ITM2B: variants seen among roughly 807,000 people sequenced by gnomAD.
The protein encoded by ITM2B is integral membrane protein 2B, also known as ABri/ADan amyloid peptide.
A neutral mutation model predicts 27.8 loss-of-function variants in ITM2B; 11 were observed. The observed-to-expected ratio is 0.40, with a 90% CI of 0.25 to 0.66. The LOEUF (loss-of-function observed/expected upper bound fraction) is 0.66, where lower values mean the gene tolerates loss of function less well. Among genes scored for constraint, ITM2B ranks in the 30% least tolerant of loss-of-function variants. The probability of loss-of-function intolerance (pLI) is 0.43; values close to 1 mark genes in which losing one functional copy is unlikely to be tolerated. For synonymous variants in ITM2B, 114 were observed against 114.3 expected (o/e 1.00, Z 0.02); for missense variants, 296 against 328.9 (o/e 0.90, Z 0.77).
rs1171633991 is a variant in ITM2B at position 48,265,651 on chromosome 13, C to T, written c.*4427C>T. 1 of 152,618 alleles carries T rather than the reference C, an allele frequency of 6.6e-6. No homozygotes were observed. Among genetic ancestry groups the T allele is most frequent in the East Asian group, 1.9e-4 (1 of 5,204 alleles). 9.5% of individuals were successfully genotyped at this position (152,618 alleles called of 1,614,324 possible). A position where few individuals can be genotyped will look rare whatever the true frequency, so the allele number is the denominator to read the frequency against. ...ACTCTCCAGCTTCATCTTAATCACA[C>T]CCCTCTTTGCTCCTAGTGTCCTACC... On this transcript the variant is annotated 3_prime_UTR_variant, in exon 6 of 6. Transcript: ENST00000647800.
intron 1 of ITM2B, among the ~76,000 whole-genome samples, chr13:48,250,683 C>T (rs1255659917): frequency 6.6e-6 from 1 of 151,690 alleles, no homozygotes; most frequent in African/African-American, 2.4e-5. Flanking sequence ...TAATGCCAAG[C>T]CTAAGCTTGG....
At chr13:48,259,092 A>G (rs1951807164) in intron 5 of ITM2B, 145 bp downstream of exon 5, 3 of 629,376 alleles carry the variant, frequency 4.8e-6, no homozygotes, top group East Asian at 2.8e-5. Context: ...AGGTTTCTAT[A>G]GAATTATCTT....
chr13:48,251,214 T>G (rs183098664), intron 1 of ITM2B, among the ~76,000 whole-genome samples: 71 of 152,336 alleles, frequency 4.7e-4, no homozygotes, highest in South Asian at 1.0e-3. Context: ...GGAAATGTCA[T>G]GCATTTTAGC....
intron 5 of ITM2B, among the ~76,000 whole-genome samples, chr13:48,259,722 A>G (rs958852812): frequency 1.8e-5 from 2 of 110,014 alleles, no homozygotes; most frequent in Admixed American, 8.9e-5. Context: ...TCCAACTTTT[A>G]TTTTAGATTC....
chr13:48,253,618 C>T (rs1951766852), intron 1 of ITM2B, among the ~76,000 whole-genome samples, 190 bp from the exon 2 acceptor site: 1 of 152,104 alleles, frequency 6.6e-6, no homozygotes, highest in East Asian at 1.9e-4. Context: ...TGTCCCAGTC[C>T]AAGAACCATT....
At chr13:48,251,562 T>C (rs562422979) in intron 1 of ITM2B, among the ~76,000 whole-genome samples, 7 of 152,334 alleles carry the variant, frequency 4.6e-5, no homozygotes, top group Admixed American at 1.3e-4. Context: ...TTAAAAATGA[T>C]ATATTACAAT....
intron 4 of ITM2B, 38 bp from the exon 5 acceptor site, chr13:48,258,759 C>T (rs767295680): frequency 6.2e-7 from 1 of 1,600,024 alleles, no homozygotes; most frequent in South Asian, 1.1e-5. Flanking sequence ...AGTGTATGTT[C>T]TGAGATAGTC....
chr13:48,254,047 A>T, intron 2 of ITM2B, 111 bp downstream of exon 2: 1 of 1,021,684 alleles, frequency 9.8e-7, no homozygotes, highest in Non-Finnish European at 1.5e-6. Flanking sequence ...TTTATCTGTG[A>T]CCTTCAGCCA....
intron 1 of ITM2B, among the ~76,000 whole-genome samples, chr13:48,235,447 A>G (rs1293129954): frequency 6.6e-6 from 1 of 152,246 alleles, no homozygotes; most frequent in Non-Finnish European, 1.5e-5. Context: ...ATGAGTTGGT[A>G]GATAAAAAAT....
Position 48,258,212 on chromosome 13 carries a change from A to C in ITM2B, c.540A>C (p.Leu180=). 6.4e-7 allele frequency: 1 copy of C among 1,551,568 alleles called. No homozygotes were observed. Among genetic ancestry groups the C allele is most frequent in the Non-Finnish European group, 8.9e-7 (1 of 1,123,304 alleles). ...CCATTGTTATGCCACCCAGAAACCT[A>C]CTGGAGTTACTTATTAACATCAAGG... ...NTSIVMPPRN[L]LELLINIKAG... Residue 180 remains leucine (L), a synonymous_variant, in exon 4 of 6, where the codon CTA becomes CTC. Coordinates refer to ENST00000647800, the MANE Select transcript of ITM2B (RefSeq NM_021999.5).
intron 1 of ITM2B, among the ~76,000 whole-genome samples, chr13:48,251,297 A>G (rs1334078870): frequency 6.6e-6 from 1 of 152,172 alleles, no homozygotes; most frequent in Non-Finnish European, 1.5e-5. Context: ...GGTAATGAGT[A>G]TTTGTCCTTT....
chr13:48,238,625 A>G (rs1418800534), intron 1 of ITM2B, among the ~76,000 whole-genome samples: 1 of 152,228 alleles, frequency 6.6e-6, no homozygotes, highest in Non-Finnish European at 1.5e-5. Context: ...CAGCTTATAT[A>G]TAATACCACT....
chr13:48,250,790 C>T (rs1193181420), intron 1 of ITM2B, among the ~76,000 whole-genome samples: 7 of 152,154 alleles, frequency 4.6e-5, no homozygotes, highest in Middle Eastern at 3.4e-3. Context: ...GAATTATTCT[C>T]ATGAAAGAAA....
intron 1 of ITM2B, among the ~76,000 whole-genome samples, chr13:48,250,043 C>A (rs1323239492): frequency 1.3e-5 from 2 of 152,172 alleles, no homozygotes; most frequent in Non-Finnish European, 2.9e-5. Flanking sequence ...TATGGAACAT[C>A]ATTTATCTAT....
chr13:48,258,855 G>C lies in ITM2B; in HGVS notation c.623G>C (p.Arg208Pro), dbSNP rs201399334. The change falls in exon 5 of 6, where the codon CGC (arginine) becomes CCC (proline). Residue 208 changes from arginine to proline, a missense_variant. Physicochemically the swap from Arg to Pro is moderately radical, Grantham distance 103 (BLOSUM62 -2). Transcript: ENST00000647800. ...LIHEHMVITD[R>P]IENIDHLGFF... ...CATGAGCACATGGTTATTACTGATC[G>C]CATTGAAAACATTGATCACCTGGGT... is the stretch of plus-strand genomic sequence containing the variant. 1.9e-6 allele frequency: 3 copies of C among 1,612,922 alleles called. No individual in the cohort carries two copies. Among genetic ancestry groups the C allele is most frequent in the Non-Finnish European group, 2.5e-6 (3 of 1,179,062 alleles).
intron 1 of ITM2B, among the ~76,000 whole-genome samples, chr13:48,242,301 T>C (rs1951704085): frequency 6.6e-6 from 1 of 152,206 alleles, no homozygotes; most frequent in Admixed American, 6.5e-5. Flanking sequence ...CTTAATTTTC[T>C]ACATACTTAC....
rs1951852334 is a variant in ITM2B, at chr13:48,266,116, C to G, written c.*4892C>G. 1 of 152,136 alleles carries G rather than the reference C, an allele frequency of 6.6e-6. No individual in the cohort carries two copies. The allele number at this position is 152,136 out of a possible 1,614,324, so 9.4% of individuals were successfully genotyped here. A position where few individuals can be genotyped will look rare whatever the true frequency, so the allele number is the denominator to read the frequency against. ...GTTGTCTGACTTTCTCCTCAGATCTCATCCCCATGGGTCTGAGTGAGTTGC... is the reference window on the plus strand; with the variant it reads ...GTTGTCTGACTTTCTCCTCAGATCTGATCCCCATGGGTCTGAGTGAGTTGC... On this transcript the variant is annotated 3_prime_UTR_variant, in exon 6 of 6. Transcript: ENST00000647800.
At position 48,264,540 on chromosome 13, in the gene ITM2B, G is replaced by A. The variant is rs1363719821; in HGVS notation, c.*3316G>A. On this transcript the variant is annotated 3_prime_UTR_variant, in exon 6 of 6. Transcript: ENST00000647800. ...TAAGATTCTGCTAAGTGAACATTTA[G>A]TAGTTTACTAGACATCTTCTCTTCC... 3 of 152,156 alleles carry A rather than the reference G, an allele frequency of 2.0e-5. No homozygotes were observed. Among genetic ancestry groups the A allele is most frequent in the African/African-American group, 7.2e-5 (3 of 41,420 alleles). The allele number at this position is 152,156 out of a possible 1,614,324, so 9.4% of individuals were successfully genotyped here.
intron 2 of ITM2B, 47 bp from the exon 3 acceptor site, chr13:48,256,130 C>A: frequency 7.1e-7 from 1 of 1,400,860 alleles, no homozygotes. Context: ...TATTTAAAAA[C>A]CTGTCTCATG....
Sources: allele counts gnomAD v4.1 joint callset (sites outside exome capture counted in the v4.1 genomes callset), GRCh38; gene constraint gnomAD v4.1.1; transcripts MANE v1.5; gene names NCBI Gene and HGNC (gene_info 2026-07-23, HGNC 2026-07-21).